Variants in ANO4 observed in about 807,000 individuals in gnomAD.
ANO4 encodes anoctamin 4.
A neutral mutation model predicts 141.9 loss-of-function variants in ANO4; 69 were observed. The ratio of observed to expected loss-of-function variants is 0.49; its 90% confidence interval spans 0.40 to 0.59. The LOEUF (loss-of-function observed/expected upper bound fraction) is 0.59. ANO4 is among the 20% of genes least tolerant of loss of function. The pLI, the probability that ANO4 is intolerant of heterozygous loss-of-function variation, is 0.00. For synonymous variants in ANO4, 350 were observed against 394.3 expected, an observed-to-expected ratio of 0.89 and a Z score of 1.33; for missense variants, 894 against 1,162.2, an observed-to-expected ratio of 0.77 and a Z score of 3.36.
At chr12:100,810,611 T>C (rs1755037669) in intron 1 of ANO4, among the ~76,000 whole-genome samples, 1 of 151,622 alleles carries the variant, frequency 6.6e-6, no homozygotes, top group African/African-American at 2.4e-5. Context: ...ATTCTGGAGG[T>C]GGTGAGAGGT....
chr12:100,960,439 A>T (rs1592845394), intron 5 of ANO4, among the ~76,000 whole-genome samples: 2 of 152,152 alleles, frequency 1.3e-5, no homozygotes, highest in Middle Eastern at 3.4e-3. Flanking sequence ...GATAGACTAT[A>T]CCGCTGTGTG....
At chr12:100,802,983 A>G (rs79980560) in intron 1 of ANO4, among the ~76,000 whole-genome samples, 88 of 152,344 alleles carry the variant, frequency 5.8e-4, no homozygotes, top group African/African-American at 1.9e-3. Context: ...AGATAAAAGC[A>G]GCTTTTGAAA....
intron 2 of ANO4, among the ~76,000 whole-genome samples, chr12:100,904,134 G>A (rs2040728805): frequency 6.6e-6 from 1 of 152,118 alleles, no homozygotes; most frequent in South Asian, 2.1e-4. Context: ...TTGTAGGGTA[G>A]GACCGAACAA....
chr12:101,037,112 A>G lies in ANO4; in HGVS notation c.859A>G (p.Thr287Ala). 6.2e-7 allele frequency: 1 copy of G among 1,614,068 alleles called. No individual in the cohort carries two copies. Among genetic ancestry groups the G allele is most frequent in the South Asian group, 1.1e-5 (1 of 91,068 alleles). ...KNKIGLNRLL[T>A]NGSYEAAFPL... is the part of the protein sequence containing the mutation. ...TGTTTTAGGTCTGAATCGTTTGCTT[A>G]CCAATGGCTCCTATGAAGCTGCGTT... Residue 287 changes from threonine to alanine, a missense_variant, in exon 10 of 28, where the codon ACC (threonine) becomes GCC (alanine). Transcript: ENST00000392977.
chr12:100,849,065 C>G (rs1051746390), intron 1 of ANO4, among the ~76,000 whole-genome samples: 1 of 152,164 alleles, frequency 6.6e-6, no homozygotes, highest in African/African-American at 2.4e-5. Context: ...ATGTGGAGAG[C>G]ACTTAACAAA....
At chr12:101,045,406 A>T (rs1274403438) in intron 13 of ANO4, among the ~76,000 whole-genome samples, 1 of 152,194 alleles carries the variant, frequency 6.6e-6, no homozygotes, top group African/African-American at 2.4e-5. Context: ...TGAATTTAAC[A>T]TTTGGCCTTG....
intron 11 of ANO4, among the ~76,000 whole-genome samples, chr12:101,040,994 T>TG (rs375311285): frequency 1.8e-4 from 28 of 151,452 alleles, no homozygotes; most frequent in African/African-American, 5.8e-4. Flanking sequence ...TATGTGTGTG[T>TG]TTTTTTTTAA....
intron 14 of ANO4, among the ~76,000 whole-genome samples, chr12:101,067,756 C>T (rs2048651196): frequency 6.6e-6 from 1 of 152,194 alleles, no homozygotes; most frequent in African/African-American, 2.4e-5. Context: ...GGAACAGAGG[C>T]TTAGCTGATT....
chr12:100,927,590 G>A (rs1485932821), intron 3 of ANO4, among the ~76,000 whole-genome samples: 3 of 152,076 alleles, frequency 2.0e-5, no homozygotes, highest in Admixed American at 1.3e-4. Context: ...TCAGGTGTAT[G>A]TGTGTGTGTA....
chr12:101,066,997 CAAAAAAAAA>C lies in ANO4; in HGVS notation c.1313-12184_1313-12176del, dbSNP rs34416390. On this transcript the variant is annotated intron_variant, in intron 14 of 27. Transcript: ENST00000392977. Reference sequence around the variant, plus strand: ...ATGTACCCTAGAACTTAAAGTATAACAAAAAAAAAAAAAAAAAAAAGAAAGAACAGACCA... The same window carrying C: ...ATGTACCCTAGAACTTAAAGTATAACAAAAAAAAAAAGAAAGAACAGACCA... 2.0e-4 allele frequency: 37 copies of C among 181,524 alleles called. 1 individual carries two copies. The highest frequency in any genetic ancestry group is 1.6e-3 in the East Asian group (14 of 8,538). The allele number at this position is 181,524 out of a possible 1,614,324, so 11.2% of individuals were successfully genotyped here.
intron 18 of ANO4, among the ~76,000 whole-genome samples, chr12:101,095,111 A>G (rs2049928018): frequency 6.6e-6 from 1 of 152,196 alleles, no homozygotes; most frequent in Admixed American, 6.6e-5. Flanking sequence ...AATGCATTCC[A>G]TAAGAAGCTT....
chr12:101,028,919 G>A (rs12310875), intron 9 of ANO4, among the ~76,000 whole-genome samples: 22,558 of 152,010 alleles, frequency 0.15, 1,868 homozygotes, highest in Admixed American at 0.21. Flanking sequence ...AAGTGTTAAG[G>A]GCAGCCAGAG....
chr12:100,942,855 G>A (rs1010968761), intron 5 of ANO4, among the ~76,000 whole-genome samples: 3 of 152,112 alleles, frequency 2.0e-5, no homozygotes, highest in South Asian at 2.1e-4. Flanking sequence ...TTCTGTTCGC[G>A]TGGATTAAAG....
chr12:100,786,223 G>T (rs2033869231), intron 3 of ANO4, among the ~76,000 whole-genome samples: 1 of 152,216 alleles, frequency 6.6e-6, no homozygotes, highest in African/African-American at 2.4e-5. Flanking sequence ...TTGCTTGCTT[G>T]AATTTAACCC....
chr12:100,807,955 C>G (rs1321918790), intron 1 of ANO4, among the ~76,000 whole-genome samples: 1 of 152,144 alleles, frequency 6.6e-6, no homozygotes, highest in African/African-American at 2.4e-5. Flanking sequence ...CTTCTTTAGC[C>G]AGTCTGTCAT....
chr12:100,814,692 C>G (rs1391704912), intron 1 of ANO4, among the ~76,000 whole-genome samples: 1 of 151,988 alleles, frequency 6.6e-6, no homozygotes, highest in African/African-American at 2.4e-5. Flanking sequence ...TTAGAACATA[C>G]AAAACATTGT....
rs114260721 is a variant in ANO4 at position 101,097,267 on chromosome 12, A to G, written c.1851-384A>G. Among the ~76,000 whole-genome samples, 1,019 of 152,228 alleles carry G rather than the reference A, an allele frequency of 6.7e-3. 9 individuals carry two copies. The highest frequency in any genetic ancestry group is 0.023 in the African/African-American group (967 of 41,544). On this transcript the variant is annotated intron_variant, in intron 19 of 27. Coordinates refer to ENST00000392977, the MANE Select transcript of ANO4 (RefSeq NM_001286615.2). ...CATTTCTAGCTATTCCAGCAGCACA[A>G]AATTCTAGGCAAATAGTTCAATAAT...
chr12:100,902,981 C>A (rs2040666819), intron 2 of ANO4, among the ~76,000 whole-genome samples: 1 of 152,178 alleles, frequency 6.6e-6, no homozygotes, highest in Admixed American at 6.5e-5. Flanking sequence ...TGAAAAGGCT[C>A]AAGCTTCTAC....
At chr12:100,756,909 G>C (rs2032637976) in intron 3 of ANO4, among the ~76,000 whole-genome samples, 2 of 152,036 alleles carry the variant, frequency 1.3e-5, no homozygotes, top group African/African-American at 2.4e-5. Context: ...TCTGTATTCT[G>C]TACTTTTATC....
Sources: allele counts gnomAD v4.1 joint callset (sites outside exome capture counted in the v4.1 genomes callset), GRCh38; gene constraint gnomAD v4.1.1; transcripts MANE v1.5; gene names NCBI Gene and HGNC (gene_info 2026-07-23, HGNC 2026-07-21).